The following NUB1 variants were observed in gnomAD, a reference collection of about 807,000 sequenced individuals.
NUB1 encodes negative regulator of ubiquitin like proteins 1, also known as NEDD8 ultimate buster 1.
In NUB1, 41 loss-of-function variants were observed where a neutral mutation model predicts 77.1. That is an observed-to-expected ratio of 0.53 (90% CI 0.41 to 0.69). NUB1 has a LOEUF of 0.69. Ranked by LOEUF, NUB1 falls within the 30% of genes least tolerant of loss-of-function variation. The pLI, the probability that NUB1 is intolerant of heterozygous loss-of-function variation, is 0.00. For missense variants in NUB1, 643 were observed against 743.8 expected (o/e 0.86, Z 1.58); for synonymous variants, 257 against 281.0 (o/e 0.91, Z 0.85).
chr7:151,347,694 G>A (rs1285435476), intron 2 of NUB1, among the ~76,000 whole-genome samples: 2 of 152,180 alleles, frequency 1.3e-5, no homozygotes, highest in South Asian at 2.1e-4. Flanking sequence ...TCCTGGGCTT[G>A]AGCAATCCTC....
chr7:151,362,819 C>T (rs1241839761), intron 8 of NUB1, among the ~76,000 whole-genome samples: 1 of 152,196 alleles, frequency 6.6e-6, no homozygotes, highest in East Asian at 1.9e-4. Context: ...CAGGGCTGGG[C>T]AAGGTACCAC....
chr7:151,347,628 A>G (rs1406106021), intron 2 of NUB1, among the ~76,000 whole-genome samples: 1 of 151,888 alleles, frequency 6.6e-6, no homozygotes, highest in African/African-American at 2.4e-5. Flanking sequence ...TGGCTAATAT[A>G]TTTTTAGTTT....
intron 1 of NUB1, among the ~76,000 whole-genome samples, chr7:151,343,272 A>G (rs1354706968): frequency 2.0e-5 from 3 of 152,186 alleles, no homozygotes; most frequent in Non-Finnish European, 4.4e-5. Context: ...TGGCTGTGTT[A>G]TTCCTTCCTC....
rs577403550 is a variant in NUB1 at position 151,347,234 on chromosome 7, G to A, written c.117+1768G>A. ...AGGTATATTCTTCCTCTTTTCCTACGTAACTATTAAAAAAATGTATTGCTG... is the reference window on the plus strand; with the variant it reads ...AGGTATATTCTTCCTCTTTTCCTACATAACTATTAAAAAAATGTATTGCTG... On this transcript the variant is annotated intron_variant, in intron 2 of 14. Coordinates refer to ENST00000568733, the MANE Select transcript of NUB1 (RefSeq NM_001243351.2). Among the ~76,000 whole-genome samples the A allele has an allele frequency of 3.3e-5, 5 of 151,700 alleles. No homozygotes were observed. In the South Asian group the frequency reaches 6.2e-4, roughly 19 times the overall value.
In NUB1 at chr7:151,350,291, C is replaced by A. The variant is rs184016240; in HGVS notation, c.285+1051C>A. On this transcript the variant is annotated intron_variant, in intron 3 of 14. Transcript: ENST00000568733. Reference sequence around the variant, plus strand: ...GTGGGCGGGCCTGACTAATGTCAGGCCTTCCACAAGAGGTGGTGGAGCAGA... The same window carrying A: ...GTGGGCGGGCCTGACTAATGTCAGGACTTCCACAAGAGGTGGTGGAGCAGA... 4.3e-4 allele frequency among the ~76,000 whole-genome samples: 66 copies of A among 152,336 alleles called. 2 individuals are homozygous for A. In the East Asian group the frequency reaches 0.013, roughly 29 times the overall value.
In NUB1 at chr7:151,360,404, C is replaced by G. The variant is rs1797319130; in HGVS notation, c.800+157C>G. On this transcript the variant is annotated intron_variant, in intron 8 of 14. Coordinates refer to ENST00000568733, the MANE Select transcript of NUB1 (RefSeq NM_001243351.2). The stretch of plus-strand genomic sequence containing the variant: ...TGTAAACTGGTGAATTTCTTCTTCC[C>G]TTTGTATTTCTAATTGACCTTTCCT... 8.5e-6 allele frequency: 4 copies of G among 472,484 alleles called. No homozygotes were observed. In the Admixed American group the frequency reaches 1.1e-4, roughly 13 times the overall value. 29.3% of individuals were successfully genotyped at this position (472,484 alleles called of 1,614,324 possible).
In NUB1 at chr7:151,377,051, C is replaced by T; in HGVS notation, c.1674C>T (p.Thr558=). 4 of 1,551,126 alleles carry T rather than the reference C, an allele frequency of 2.6e-6. No homozygotes were observed. The highest frequency in any genetic ancestry group is 3.5e-6 in the Non-Finnish European group (4 of 1,150,522). ...PATSPSDSAG[T]SSASTDEDME... ...TCCTGCGGTATTTTATTGTAGGAAC[C>T]TCTAGTGCCTCAACAGACGAAGACA... Residue 558 remains threonine (T), a synonymous_variant, in exon 15 of 15, where the codon ACC becomes ACT. Transcript: ENST00000568733.
chr7:151,359,572 G>A (rs1167413437), intron 7 of NUB1, among the ~76,000 whole-genome samples: 1 of 146,894 alleles, frequency 6.8e-6, no homozygotes, highest in Non-Finnish European at 1.5e-5. Flanking sequence ...GAGGTCGGGA[G>A]TTTGAGACCA....
Position 151,352,842 on chromosome 7 carries a change from T to C in NUB1, c.375T>C (p.Asn125=), listed in dbSNP as rs773823506. Residue 125 remains asparagine (N), a synonymous_variant, in exon 5 of 15, where the codon AAT becomes AAC. Transcript: ENST00000568733. The part of the protein sequence containing the change: ...KIAETFGLQE[N]YIKIVINKKQ... ...CTGAAACCTTTGGACTTCAAGAAAA[T>C]TATATCAAAATTGTCATAAATAAGA... 1.0e-5 allele frequency: 16 copies of C among 1,564,810 alleles called. No individual in the cohort carries two copies. The Admixed American group carries it at 2.6e-4, about 25-fold the overall frequency.
At chr7:151,343,346 G>A (rs972521202) in intron 1 of NUB1, among the ~76,000 whole-genome samples, 2 of 152,046 alleles carry the variant, frequency 1.3e-5, no homozygotes, top group Admixed American at 6.6e-5. Flanking sequence ...AAATAGATTT[G>A]AACTTTCTTT....
intron 1 of NUB1, among the ~76,000 whole-genome samples, chr7:151,344,981 C>CA (rs562568264): frequency 5.9e-5 from 9 of 152,268 alleles, no homozygotes; most frequent in African/African-American, 2.2e-4. Flanking sequence ...GCCTGGGCGA[C>CA]AGAGCGAGAC....
chr7:151,359,138 G>A lies in NUB1; in HGVS notation c.694-1003G>A, dbSNP rs977746601. Among the ~76,000 whole-genome samples the A allele has an allele frequency of 2.7e-5, 4 of 149,560 alleles. No homozygotes were observed. The South Asian group carries it at 8.5e-4, about 32-fold the overall frequency. Reference sequence around the variant, plus strand: ...CAAACAACTTCTGAAAAAACTAGATGATTAAGAATAGAAAGTGAGGCCGGG... The same window carrying A: ...CAAACAACTTCTGAAAAAACTAGATAATTAAGAATAGAAAGTGAGGCCGGG... On this transcript the variant is annotated intron_variant, in intron 7 of 14. Coordinates refer to ENST00000568733, the MANE Select transcript of NUB1 (RefSeq NM_001243351.2).
intron 8 of NUB1, among the ~76,000 whole-genome samples, chr7:151,362,246 T>C (rs1224268012): frequency 1.3e-5 from 2 of 152,240 alleles, no homozygotes; most frequent in Non-Finnish European, 2.9e-5. Flanking sequence ...GAAAGTTTTT[T>C]TTTTCCTGGG....
chr7:151,357,766 T>C (rs990082349), intron 7 of NUB1, among the ~76,000 whole-genome samples: 1 of 151,270 alleles, frequency 6.6e-6, no homozygotes, highest in Non-Finnish European at 1.5e-5. Context: ...TGCCCCACCA[T>C]GCCTGGCTAA....
chr7:151,369,012 C>A, intron 11 of NUB1, 125 bp downstream of exon 11: 1 of 1,001,458 alleles, frequency 1.0e-6, no homozygotes, highest in Non-Finnish European at 1.4e-6. Flanking sequence ...GAAACTTGTC[C>A]TTTTTTTTTT....
chr7:151,362,539 T>C (rs1797427352), intron 8 of NUB1, among the ~76,000 whole-genome samples: 1 of 152,190 alleles, frequency 6.6e-6, no homozygotes, highest in Non-Finnish European at 1.5e-5. Context: ...TATGAAACAG[T>C]GACTTCCTGG....
Position 151,377,428 on chromosome 7 carries a change from C to A in NUB1, c.*203C>A. 2.3e-6 allele frequency: 1 copy of A among 432,194 alleles called. No individual in the cohort carries two copies. Among genetic ancestry groups the A allele is most frequent in the South Asian group, 3.7e-5 (1 of 27,070 alleles). 26.8% of individuals were successfully genotyped at this position (432,194 alleles called of 1,614,324 possible). On this transcript the variant is annotated 3_prime_UTR_variant, in exon 15 of 15. Transcript: ENST00000568733. Reference sequence around the variant, plus strand: ...GGAAGAAGCTTCCTCTGGCCTGGCGCAGGCCGTTCCATCTGCCTCCCAGGT... The same window carrying A: ...GGAAGAAGCTTCCTCTGGCCTGGCGAAGGCCGTTCCATCTGCCTCCCAGGT...
In NUB1 at chr7:151,355,784, A is replaced by C; in HGVS notation, c.432A>C (p.Glu144Asp). ...TTTTTATAGGGAAAACCCTTGAAGA[A>C]CAAGGCGTGGCTCACAATGTGAAAG... ...KQLQLGKTLE[E>D]QGVAHNVKAM... The change falls in exon 6 of 15, where the codon GAA becomes GAC. Residue 144 changes from glutamate to aspartate, a missense_variant. Physicochemically the swap from Glu to Asp is conservative, Grantham distance 45. Coordinates refer to ENST00000568733, the MANE Select transcript of NUB1 (RefSeq NM_001243351.2). 1 of 1,598,306 alleles carries C rather than the reference A, an allele frequency of 6.3e-7. No homozygotes were observed. The highest frequency in any genetic ancestry group is 1.3e-5 in the African/African-American group (1 of 74,590).
At chr7:151,376,523 C>A in intron 13 of NUB1, 111 bp from the exon 14 acceptor site, 1 of 1,017,578 alleles carries the variant, frequency 9.8e-7, no homozygotes, top group Non-Finnish European at 1.4e-6. Context: ...GGCCATGGTG[C>A]ACACGCCGGG....
Sources: allele counts gnomAD v4.1 joint callset (sites outside exome capture counted in the v4.1 genomes callset), GRCh38; gene constraint gnomAD v4.1.1; transcripts MANE v1.5; gene names NCBI Gene and HGNC (gene_info 2026-07-23, HGNC 2026-07-21).